GNAL: variants seen among roughly 807,000 people sequenced by gnomAD.
GNAL encodes the protein guanine nucleotide-binding protein G(olf) subunit alpha.
Under a neutral mutation model 55.1 loss-of-function variants are expected in GNAL, and 18 were observed. That is an observed-to-expected ratio of 0.33 (90% CI 0.23 to 0.48). GNAL has a LOEUF of 0.48. GNAL is among the 20% of genes least tolerant of loss of function. The pLI, the probability that GNAL is intolerant of heterozygous loss-of-function variation, is 0.99. For synonymous variants in GNAL, 253 were observed against 237.0 expected, an observed-to-expected ratio of 1.07 and a Z score of -0.62; for missense variants, 412 against 614.1, an observed-to-expected ratio of 0.67 and a Z score of 3.48.
In GNAL at chr18:11,689,641, G is replaced by A; in HGVS notation, c.78G>A (p.Pro26=). The A allele has an allele frequency of 7.2e-7, 1 of 1,388,096 alleles. No individual in the cohort carries two copies. Among genetic ancestry groups the A allele is most frequent in the Non-Finnish European group, 9.3e-7 (1 of 1,079,120 alleles). 86.0% of individuals were successfully genotyped at this position (1,388,096 alleles called of 1,614,324 possible). The change falls in exon 1 of 12, where the codon CCG becomes CCA. Residue 26 remains proline (P), a synonymous_variant. Transcript: ENST00000334049. ...ACCCCTGCGCGGCCTCGGAGCCGCC[G>A]GTGGAGGACGCGCAGCCCGCCCCGG... ...GDDPCAASEP[P]VEDAQPAPAP...
chr18:11,798,119 G>A (rs1171187110), intron 4 of GNAL, among the ~76,000 whole-genome samples: 2 of 152,130 alleles, frequency 1.3e-5, no homozygotes, highest in Non-Finnish European at 2.9e-5. Flanking sequence ...TATAGTCCCA[G>A]TTACTCTGGA....
intron 4 of GNAL, among the ~76,000 whole-genome samples, chr18:11,783,260 C>A (rs1413608358): frequency 2.6e-5 from 4 of 152,176 alleles, no homozygotes; most frequent in African/African-American, 9.7e-5. Context: ...AGCCCAGCTC[C>A]CCTCTTCCAA....
chr18:11,707,999 C>T (rs12455099), intron 1 of GNAL, among the ~76,000 whole-genome samples: 2,581 of 152,328 alleles, frequency 0.017, 56 homozygotes, highest in African/African-American at 0.052. Flanking sequence ...TCGGGGAATG[C>T]TGTGGCTGTT....
chr18:11,800,491 A>G (rs950717207), intron 4 of GNAL, among the ~76,000 whole-genome samples: 24 of 152,310 alleles, frequency 1.6e-4, no homozygotes, highest in African/African-American at 5.1e-4. Flanking sequence ...TGTAAGTGCC[A>G]AGAAGCAGTT....
intron 4 of GNAL, among the ~76,000 whole-genome samples, chr18:11,818,629 C>CGG (rs1555653961): frequency 6.6e-6 from 1 of 152,150 alleles, no homozygotes; most frequent in Non-Finnish European, 1.5e-5. Context: ...AAGGCAGGAA[C>CGG]GGGGAGAGTG....
intron 4 of GNAL, among the ~76,000 whole-genome samples, chr18:11,802,220 G>C (rs540930668): frequency 2.0e-4 from 30 of 152,170 alleles, no homozygotes; most frequent in Non-Finnish European, 3.8e-4. Context: ...CACTTATTTT[G>C]TTGTTTGGCC....
At position 11,884,890 on chromosome 18, in the gene GNAL, G is replaced by A. The variant is rs933115774; in HGVS notation, c.*3755G>A. 36 of 1,316,018 alleles carry A rather than the reference G, an allele frequency of 2.7e-5. No homozygotes were observed. The highest frequency in any genetic ancestry group is 2.3e-4 in the South Asian group (15 of 65,626). The allele number at this position is 1,316,018 out of a possible 1,614,324, so 81.5% of individuals were successfully genotyped here. A position where few individuals can be genotyped will look rare whatever the true frequency, so the allele number is the denominator to read the frequency against. On this transcript the variant is annotated 3_prime_UTR_variant, in exon 12 of 12. Coordinates refer to ENST00000334049, the MANE Select transcript of GNAL (RefSeq NM_182978.4). ...TCTGGGACACTGACCTGTCAAAACT[G>A]GCCCCTGGCTCACTGGGTTCCCATC...
At position 11,788,897 on chromosome 18, in the gene GNAL, G is replaced by GAAAAAAAAAAAA. The variant is rs1162398867; in HGVS notation, c.624+34959_624+34970dup. ...AGGAGACAGAGCAAGACTCCGTCTC[G>GAAAAAAAAAAAA]AAAAAAAAAAAAAAAAAATATATAT... On this transcript the variant is annotated intron_variant, in intron 4 of 11. Coordinates refer to ENST00000334049, the MANE Select transcript of GNAL (RefSeq NM_182978.4). 1.8e-3 allele frequency among the ~76,000 whole-genome samples: 146 copies of GAAAAAAAAAAAA among 82,496 alleles called. 2 individuals carry two copies. The highest frequency in any genetic ancestry group is 5.0e-3 in the East Asian group (12 of 2,378). 54.1% of individuals were successfully genotyped at this position (82,496 alleles called of 152,430 possible).
chr18:11,747,035 C>G, intron 1 of GNAL: 1 of 480,868 alleles, frequency 2.1e-6, no homozygotes, highest in Non-Finnish European at 4.2e-6. Context: ...TGAACTTATG[C>G]AGGGTTATGT....
chr18:11,849,649 G>C (rs1034604914), intron 5 of GNAL, among the ~76,000 whole-genome samples: 2 of 152,106 alleles, frequency 1.3e-5, no homozygotes, highest in Non-Finnish European at 2.9e-5. Flanking sequence ...GCAGAGTAGG[G>C]GGCCTAAGCT....
intron 4 of GNAL, among the ~76,000 whole-genome samples, chr18:11,773,742 G>A (rs2033700898): frequency 6.6e-6 from 1 of 152,172 alleles, no homozygotes; most frequent in Non-Finnish European, 1.5e-5. Flanking sequence ...TATGATTGCA[G>A]CACTGTGCTC....
At chr18:11,757,309 C>T (rs2033089754) in intron 4 of GNAL, among the ~76,000 whole-genome samples, 1 of 151,996 alleles carries the variant, frequency 6.6e-6, no homozygotes, top group Non-Finnish European at 1.5e-5. Flanking sequence ...CCTTACAGGC[C>T]AGGTGTGTCC....
chr18:11,836,529 C>G (rs1769654104), intron 5 of GNAL, among the ~76,000 whole-genome samples: 1 of 152,068 alleles, frequency 6.6e-6, no homozygotes, highest in Admixed American at 6.5e-5. Flanking sequence ...TGTAAGATAG[C>G]TCATATTTAT....
intron 1 of GNAL, among the ~76,000 whole-genome samples, chr18:11,716,804 G>A (rs12185293): frequency 0.47 from 71,376 of 152,098 alleles, 20,283 homozygotes; most frequent in Non-Finnish European, 0.62. Context: ...ACAGAGTGCC[G>A]ATTGGTGTAT....
chr18:11,782,362 A>G (rs1234336050), intron 4 of GNAL, among the ~76,000 whole-genome samples: 4 of 152,194 alleles, frequency 2.6e-5, no homozygotes, highest in African/African-American at 9.6e-5. Context: ...AGCCACATGC[A>G]ATGACATGGA....
intron 1 of GNAL, among the ~76,000 whole-genome samples, chr18:11,738,392 A>G (rs1598420917): frequency 6.6e-6 from 1 of 150,764 alleles, no homozygotes; most frequent in Non-Finnish European, 1.5e-5. Flanking sequence ...TCTGGCTGGG[A>G]CACCAAGCTC....
chr18:11,833,812 G>A (rs1036461014), intron 5 of GNAL: 1 of 152,190 alleles, frequency 6.6e-6, no homozygotes, highest in African/African-American at 2.4e-5. Flanking sequence ...ATGCCTTAGA[G>A]CTGGATTTTT....
intron 5 of GNAL, among the ~76,000 whole-genome samples, chr18:11,834,234 C>T (rs1458649158): frequency 1.3e-5 from 2 of 152,120 alleles, no homozygotes; most frequent in Admixed American, 6.5e-5. Context: ...TCTTAGATGA[C>T]GGTTGAGTTT....
chr18:11,727,387 A>T (rs965170327), intron 1 of GNAL, among the ~76,000 whole-genome samples: 1 of 151,428 alleles, frequency 6.6e-6, no homozygotes, highest in Non-Finnish European at 1.5e-5. Context: ...TTTCAAATAA[A>T]TGTGAGCCCT....
Sources: gnomAD v4.1 joint callset for allele counts (sites outside exome capture counted in the v4.1 genomes callset) on GRCh38, gnomAD v4.1.1 for gene constraint, MANE v1.5 for transcripts, NCBI Gene and HGNC (gene_info 2026-07-23, HGNC 2026-07-21) for gene names.